PTPRD: variants seen among roughly 807,000 people sequenced by gnomAD.
PTPRD encodes the protein receptor-type tyrosine-protein phosphatase delta.
A neutral mutation model predicts 214.5 loss-of-function variants in PTPRD; 34 were observed. The ratio of observed to expected loss-of-function variants is 0.16; its 90% confidence interval spans 0.12 to 0.21. The LOEUF is 0.21. PTPRD is among the 10% of genes least tolerant of loss of function. The probability of loss-of-function intolerance (pLI) is 1.00; values close to 1 mark genes in which losing one functional copy is unlikely to be tolerated. For synonymous variants in PTPRD, 1,128 were observed against 845.7 expected, an observed-to-expected ratio of 1.33 and a Z score of -5.79; for missense variants, 2,545 against 2,398.7, an observed-to-expected ratio of 1.06 and a Z score of -1.27.
intron 11 of PTPRD, among the ~76,000 whole-genome samples, chr9:8,800,993 T>C (rs971379648): frequency 2.0e-5 from 3 of 152,202 alleles, no homozygotes; most frequent in Admixed American, 1.3e-4. Flanking sequence ...ATGATACAAA[T>C]ACTTAATCTC....
chr9:10,432,348 AG>A (rs2098688218), intron 2 of PTPRD, among the ~76,000 whole-genome samples: 1 of 150,914 alleles, frequency 6.6e-6, no homozygotes, highest in Non-Finnish European at 1.5e-5. Context: ...ATGACGATTT[AG>A]TGGGTGCAGC....
At chr9:9,202,799 G>T (rs1477856921) in intron 9 of PTPRD, among the ~76,000 whole-genome samples, 1 of 152,150 alleles carries the variant, frequency 6.6e-6, no homozygotes, top group Non-Finnish European at 1.5e-5. Flanking sequence ...TAGCCACTTT[G>T]CTCTTGATCT....
At chr9:9,947,355 T>TATATATTATATATATATAATATATATA (rs1566616258) in intron 4 of PTPRD, among the ~76,000 whole-genome samples, 1 of 34,452 alleles carries the variant, frequency 2.9e-5, no homozygotes, top group African/African-American at 1.8e-4. Context: ...TAATATATAT[T>TATATATTATATATATATAATATATATA]ATATATATTA....
chr9:9,865,977 C>T (rs1178435134), intron 5 of PTPRD, among the ~76,000 whole-genome samples: 1 of 152,146 alleles, frequency 6.6e-6, no homozygotes, highest in Non-Finnish European at 1.5e-5. Context: ...AGGAAGAGTC[C>T]CAGACACTGC....
chr9:9,791,793 A>C (rs1238448585), intron 5 of PTPRD, among the ~76,000 whole-genome samples: 2 of 152,132 alleles, frequency 1.3e-5, no homozygotes, highest in Non-Finnish European at 2.9e-5. Context: ...TCGAGAAATC[A>C]TTTTTTGCTT....
At chr9:9,190,003 T>C (rs1332978599) in intron 9 of PTPRD, among the ~76,000 whole-genome samples, 2 of 151,928 alleles carry the variant, frequency 1.3e-5, no homozygotes, top group African/African-American at 2.4e-5. Flanking sequence ...CCTGGCACAG[T>C]GATGTTGGAG....
intron 4 of PTPRD, among the ~76,000 whole-genome samples, chr9:10,018,792 G>A (rs1165932843): frequency 3.3e-5 from 5 of 151,364 alleles, no homozygotes; most frequent in Admixed American, 6.6e-5. Context: ...CTCGTGATCC[G>A]CCCGCCTCGG....
chr9:9,071,635 A>C (rs2099743885), intron 10 of PTPRD, among the ~76,000 whole-genome samples: 1 of 152,250 alleles, frequency 6.6e-6, no homozygotes, highest in East Asian at 1.9e-4. Flanking sequence ...AAGCAATATT[A>C]ATTCTGACAA....
At chr9:9,503,563 A>G (rs113139037) in intron 8 of PTPRD, among the ~76,000 whole-genome samples, 13 of 151,830 alleles carry the variant, frequency 8.6e-5, no homozygotes, top group African/African-American at 3.1e-4. Context: ...TGCCACAATG[A>G]TCATATGGTT....
At chr9:10,207,808 A>G (rs2099491383) in intron 3 of PTPRD, among the ~76,000 whole-genome samples, 1 of 152,064 alleles carries the variant, frequency 6.6e-6, no homozygotes, top group Non-Finnish European at 1.5e-5. Context: ...TGGAAGTAGG[A>G]AACACTATTA....
chr9:8,497,366 T>C, intron 25 of PTPRD, 98 bp from the exon 26 acceptor site: 1 of 1,036,636 alleles, frequency 9.6e-7, no homozygotes, highest in East Asian at 2.9e-5. Flanking sequence ...ATTAAAAAAA[T>C]CAAAAAAATA....
At chr9:9,295,757 T>C (rs1239138920) in intron 9 of PTPRD, among the ~76,000 whole-genome samples, 1 of 151,820 alleles carries the variant, frequency 6.6e-6, no homozygotes, top group Non-Finnish European at 1.5e-5. Context: ...AATATTTCTT[T>C]ACAACCAGGG....
At chr9:9,731,765 C>G (rs1365336211) in intron 7 of PTPRD, among the ~76,000 whole-genome samples, 1 of 152,136 alleles carries the variant, frequency 6.6e-6, no homozygotes, top group Non-Finnish European at 1.5e-5. Flanking sequence ...ACAATGAGAA[C>G]ACTTGGACAC....
chr9:8,725,512 A>C (rs1244672151), intron 12 of PTPRD, among the ~76,000 whole-genome samples: 2 of 152,228 alleles, frequency 1.3e-5, no homozygotes, highest in African/African-American at 2.4e-5. Flanking sequence ...TACATTTTAA[A>C]AAGATTCTGC....
chr9:8,580,493 A>G (rs1489399602), intron 14 of PTPRD, among the ~76,000 whole-genome samples: 2 of 152,274 alleles, frequency 1.3e-5, no homozygotes, highest in Non-Finnish European at 2.9e-5. Context: ...ACCCTGATGG[A>G]CTTTTTATTT....
intron 21 of PTPRD, among the ~76,000 whole-genome samples, chr9:8,513,466 G>A (rs1049648953): frequency 1.2e-4 from 18 of 152,020 alleles, no homozygotes; most frequent in Admixed American, 1.0e-3. Flanking sequence ...GAATGTGAAT[G>A]TCACAGAATG....
intron 14 of PTPRD, among the ~76,000 whole-genome samples, chr9:8,560,335 T>C (rs1336027469): frequency 6.6e-6 from 1 of 152,026 alleles, no homozygotes; most frequent in Non-Finnish European, 1.5e-5. Context: ...TAAAACTTTG[T>C]TGATAACAAG....
chr9:8,734,633 A>G (rs1462462685), intron 11 of PTPRD, among the ~76,000 whole-genome samples: 1 of 152,230 alleles, frequency 6.6e-6, no homozygotes, highest in Non-Finnish European at 1.5e-5. Flanking sequence ...TAAAATCAAA[A>G]AGCCACAAAC....
chr9:9,634,745 C>T (rs1019788609), intron 7 of PTPRD, among the ~76,000 whole-genome samples: 8 of 152,082 alleles, frequency 5.3e-5, no homozygotes, highest in African/African-American at 7.2e-5. Context: ...GTGCATACTA[C>T]GTATATATTT....
Sources: allele counts gnomAD v4.1 joint callset (sites outside exome capture counted in the v4.1 genomes callset), GRCh38; gene constraint gnomAD v4.1.1; transcripts MANE v1.5; gene names NCBI Gene and HGNC (gene_info 2026-07-23, HGNC 2026-07-21).